CAPZA1: variants seen among roughly 807,000 people sequenced by gnomAD.
The protein encoded by CAPZA1 is F-actin-capping protein subunit alpha-1.
Under a neutral mutation model 40.8 loss-of-function variants are expected in CAPZA1, and 10 were observed. The observed-to-expected ratio is 0.25, with a 90% CI of 0.15 to 0.42. The LOEUF is 0.42. Among genes scored for constraint, CAPZA1 ranks in the 10% least tolerant of loss-of-function variants. CAPZA1 has a pLI of 1.00. For missense variants in CAPZA1, 277 were observed against 353.8 expected, an observed-to-expected ratio of 0.78 and a Z score of 1.74; for synonymous variants, 98 against 115.0, an observed-to-expected ratio of 0.85 and a Z score of 0.95.
intron 1 of CAPZA1, among the ~76,000 whole-genome samples, chr1:112,628,795 A>G (rs1293237259): frequency 1.3e-5 from 2 of 152,216 alleles, no homozygotes; most frequent in Non-Finnish European, 2.9e-5. Flanking sequence ...GCTCAGGTCA[A>G]AAACATTAGT....
rs761529232 is a variant in CAPZA1, at chr1:112,653,687, A to G, written c.219+26A>G. The G allele has an allele frequency of 3.4e-5, 50 of 1,478,910 alleles. 1 individual carries two copies. The South Asian group carries it at 4.6e-4, about 14-fold the overall frequency. The allele number at this position is 1,478,910 out of a possible 1,614,324, so 91.6% of individuals were successfully genotyped here. A position where few individuals can be genotyped will look rare whatever the true frequency, so the allele number is the denominator to read the frequency against. On this transcript the variant is annotated intron_variant, in intron 4 of 9. Coordinates refer to ENST00000263168, the MANE Select transcript of CAPZA1 (RefSeq NM_006135.3). ...GTAATAATTGCCTTTTAGACAGGCT[A>G]TGCCTGGCAGATAGTAGAGATCCTA...
intron 1 of CAPZA1, among the ~76,000 whole-genome samples, chr1:112,641,904 A>AT (rs1371558710): frequency 2.0e-5 from 3 of 152,006 alleles, no homozygotes; most frequent in Non-Finnish European, 4.4e-5. Flanking sequence ...AAAAAAAAAA[A>AT]AATACTAAAA....
chr1:112,623,621 C>T (rs536240021), intron 1 of CAPZA1, among the ~76,000 whole-genome samples: 2 of 149,996 alleles, frequency 1.3e-5, no homozygotes, highest in South Asian at 2.1e-4. Context: ...GCGGAGGTTG[C>T]GGTGACCCGA....
intron 1 of CAPZA1, among the ~76,000 whole-genome samples, chr1:112,633,089 T>G (rs1670952550): frequency 6.6e-6 from 1 of 152,208 alleles, no homozygotes; most frequent in African/African-American, 2.4e-5. Context: ...CAGATAACAG[T>G]AACTTTTATT....
chr1:112,646,016 TG>T (rs1671275170), intron 1 of CAPZA1, among the ~76,000 whole-genome samples: 3 of 151,254 alleles, frequency 2.0e-5, no homozygotes, highest in South Asian at 4.2e-4. Context: ...AGCATATTAA[TG>T]GATTGGAGTA....
intron 3 of CAPZA1, among the ~76,000 whole-genome samples, chr1:112,650,372 T>G (rs1295368056): frequency 6.6e-6 from 1 of 152,230 alleles, no homozygotes; most frequent in Non-Finnish European, 1.5e-5. Flanking sequence ...ACGTAGAATT[T>G]GCACAGCTTT....
intron 1 of CAPZA1, among the ~76,000 whole-genome samples, chr1:112,644,184 C>CATTT (rs1671235956): frequency 1.8e-5 from 1 of 56,782 alleles, no homozygotes; most frequent in Admixed American, 3.2e-4. Flanking sequence ...CTTCTCCCAG[C>CATTT]TTTTTTTTTT....
intron 6 of CAPZA1, 63 bp downstream of exon 6, chr1:112,659,164 T>G: frequency 9.8e-7 from 1 of 1,025,506 alleles, no homozygotes; most frequent in Non-Finnish European, 1.5e-6. Flanking sequence ...GACTTGGTTT[T>G]TAATCCAACT....
At chr1:112,632,839 A>G (rs755228595) in intron 1 of CAPZA1, among the ~76,000 whole-genome samples, 120 of 152,366 alleles carry the variant, frequency 7.9e-4, no homozygotes, top group Non-Finnish European at 1.3e-3. Flanking sequence ...AACAATTTCT[A>G]AAGACTATTA....
At chr1:112,630,250 T>C (rs1670894221) in intron 1 of CAPZA1, among the ~76,000 whole-genome samples, 1 of 152,150 alleles carries the variant, frequency 6.6e-6, no homozygotes, top group Admixed American at 6.5e-5. Flanking sequence ...TTGCCCAGAC[T>C]GGTCTCAAAC....
intron 8 of CAPZA1, among the ~76,000 whole-genome samples, chr1:112,668,346 C>T (rs921661706): frequency 9.9e-5 from 15 of 152,170 alleles, no homozygotes; most frequent in African/African-American, 3.6e-4. Context: ...GATAACAAAC[C>T]CATTACTTGT....
At chr1:112,661,653 G>T (rs1282069917) in intron 7 of CAPZA1, among the ~76,000 whole-genome samples, 1 of 152,142 alleles carries the variant, frequency 6.6e-6, no homozygotes, top group Non-Finnish European at 1.5e-5. Flanking sequence ...TAGAACCATG[G>T]TATCAGCATT....
chr1:112,659,113 A>G lies in CAPZA1; in HGVS notation c.506+12A>G, dbSNP rs1416129129. The G allele has an allele frequency of 6.4e-7, 1 of 1,554,158 alleles. No individual in the cohort carries two copies. Among genetic ancestry groups the G allele is most frequent in the Non-Finnish European group, 8.9e-7 (1 of 1,125,776 alleles). On this transcript the variant is annotated intron_variant, in intron 6 of 9. Coordinates refer to ENST00000263168, the MANE Select transcript of CAPZA1 (RefSeq NM_006135.3). ...CCTAAAAACTTCTGGTAAGAAGTAG[A>G]TATTCTCTTCTATTTACATCTGAAA...
Position 112,653,570 on chromosome 1 carries a change from TTTTTA to T in CAPZA1, c.156-27_156-23del, listed in dbSNP as rs755801536. The T allele has an allele frequency of 2.1e-5, 30 of 1,424,524 alleles. No homozygotes were observed. Among genetic ancestry groups the T allele is most frequent in the South Asian group, 8.9e-5 (7 of 78,864 alleles). The allele number at this position is 1,424,524 out of a possible 1,614,324, so 88.2% of individuals were successfully genotyped here. ...TTCTCTCTCCCTCTTTTTTTTTTTT[TTTTTA>T]AAAAACTTTTAAAAAAAAACAGTGC... On this transcript the variant is annotated intron_variant, in intron 3 of 9. Coordinates refer to ENST00000263168, the MANE Select transcript of CAPZA1 (RefSeq NM_006135.3).
At chr1:112,648,664 T>C (rs747122074) in intron 2 of CAPZA1, among the ~76,000 whole-genome samples, 2 of 151,372 alleles carry the variant, frequency 1.3e-5, no homozygotes, top group Non-Finnish European at 2.9e-5. Flanking sequence ...TTAGCTCAGA[T>C]AAATTCTTAA....
At chr1:112,665,615 G>T (rs958685996) in intron 7 of CAPZA1, among the ~76,000 whole-genome samples, 1 of 152,160 alleles carries the variant, frequency 6.6e-6, no homozygotes, top group Non-Finnish European at 1.5e-5. Context: ...TGACTGGTGA[G>T]TTCTGTTTCT....
intron 1 of CAPZA1, among the ~76,000 whole-genome samples, chr1:112,644,064 C>T (rs947149840): frequency 7.3e-5 from 11 of 151,026 alleles, no homozygotes; most frequent in Non-Finnish European, 1.0e-4. Context: ...AGGTTGGTCT[C>T]GAACTCCTGA....
intron 1 of CAPZA1, among the ~76,000 whole-genome samples, chr1:112,635,497 G>A (rs1385682305): frequency 6.6e-6 from 1 of 151,734 alleles, no homozygotes; most frequent in East Asian, 1.9e-4. Flanking sequence ...TGCCCACAAA[G>A]AGTTGCAGTT....
At chr1:112,656,024 G>A (rs2101175827) in intron 5 of CAPZA1, among the ~76,000 whole-genome samples, 1 of 152,182 alleles carries the variant, frequency 6.6e-6, no homozygotes, top group Middle Eastern at 3.4e-3. Flanking sequence ...TTTGAAATAT[G>A]TATACATTGT....
Sources: allele counts gnomAD v4.1 joint callset (sites outside exome capture counted in the v4.1 genomes callset), GRCh38; gene constraint gnomAD v4.1.1; transcripts MANE v1.5; gene names NCBI Gene and HGNC (gene_info 2026-07-23, HGNC 2026-07-21).